The following RNF150 variants were observed in gnomAD, a reference collection of about 807,000 sequenced individuals.
The protein encoded by RNF150 is ring finger protein 150.
A neutral mutation model predicts 39.3 loss-of-function variants in RNF150; 24 were observed. The observed-to-expected ratio is 0.61, with a 90% CI of 0.44 to 0.86. The LOEUF is 0.86. RNF150 is among the 40% of genes least tolerant of loss of function. RNF150 has a pLI of 0.00. For synonymous variants in RNF150, 255 were observed against 227.3 expected (o/e 1.12, Z -1.10); for missense variants, 502 against 587.8 (o/e 0.85, Z 1.51).
intron 2 of RNF150, 95 bp from the exon 3 acceptor site, chr4:140,949,467 A>T (rs371750067): frequency 2.0e-6 from 2 of 1,002,260 alleles, no homozygotes; most frequent in East Asian, 4.8e-5. Flanking sequence ...CTAGCTCTGA[A>T]ATCATGCACA....
At chr4:141,202,241 C>T (rs1560777108) in intron 1 of RNF150, among the ~76,000 whole-genome samples, 2 of 152,024 alleles carry the variant, frequency 1.3e-5, no homozygotes, top group East Asian at 3.9e-4. Context: ...TAAATGTTCC[C>T]TGTCTGGCTC....
intron 1 of RNF150, among the ~76,000 whole-genome samples, chr4:141,122,424 T>C (rs1726638500): frequency 6.6e-6 from 1 of 152,250 alleles, no homozygotes; most frequent in African/African-American, 2.4e-5. Context: ...CCAACAGATG[T>C]CTTTTCTCCT....
At chr4:141,004,492 T>C (rs1004911934) in intron 1 of RNF150, among the ~76,000 whole-genome samples, 2 of 152,314 alleles carry the variant, frequency 1.3e-5, no homozygotes, top group East Asian at 1.9e-4. Context: ...CTAAAGTCTA[T>C]AATTTTCCAC....
chr4:141,085,831 T>C (rs943477946), intron 1 of RNF150, among the ~76,000 whole-genome samples: 1 of 152,184 alleles, frequency 6.6e-6, no homozygotes, highest in Non-Finnish European at 1.5e-5. Flanking sequence ...GGTGATTTTG[T>C]AATCAGAGTA....
intron 1 of RNF150, among the ~76,000 whole-genome samples, chr4:141,209,033 C>T (rs373645522): frequency 2.0e-5 from 3 of 151,826 alleles, no homozygotes; most frequent in Non-Finnish European, 2.9e-5. Context: ...TGGAAGCAAG[C>T]TTGTTCTTTG....
At chr4:141,195,125 C>T (rs986640208) in intron 1 of RNF150, among the ~76,000 whole-genome samples, 2 of 151,828 alleles carry the variant, frequency 1.3e-5, no homozygotes, top group African/African-American at 4.8e-5. Flanking sequence ...CACACACACA[C>T]ACCTGTGCAC....
intron 1 of RNF150, among the ~76,000 whole-genome samples, chr4:141,127,668 G>A (rs1272083849): frequency 1.3e-5 from 2 of 152,094 alleles, no homozygotes. Flanking sequence ...TCCTTTCCAA[G>A]GGCCTAGCAT....
chr4:140,905,546 G>C (rs776006504), intron 6 of RNF150, among the ~76,000 whole-genome samples: 2 of 152,180 alleles, frequency 1.3e-5, no homozygotes, highest in African/African-American at 2.4e-5. Flanking sequence ...AAATGGAAAA[G>C]AAGGGGAAGA....
chr4:140,978,817 A>G (rs1008118816), intron 1 of RNF150, among the ~76,000 whole-genome samples: 67 of 152,166 alleles, frequency 4.4e-4, no homozygotes, highest in African/African-American at 1.6e-3. Context: ...GAGCATTTCA[A>G]ATGGCTAAAA....
intron 1 of RNF150, among the ~76,000 whole-genome samples, chr4:140,993,189 G>C (rs921103277): frequency 1.3e-5 from 2 of 152,176 alleles, no homozygotes; most frequent in Non-Finnish European, 2.9e-5. Flanking sequence ...AAATCAAGGT[G>C]TTGGCATGGC....
intron 1 of RNF150, among the ~76,000 whole-genome samples, chr4:141,000,026 G>GAGAAGAAAAGAAGAA (rs1734574180): frequency 6.2e-5 from 2 of 32,302 alleles, no homozygotes; most frequent in Non-Finnish European, 1.7e-4. Flanking sequence ...AGAAGAAGAA[G>GAGAAGAAAAGAAGAA]AAGAAGAAGA....
chr4:140,915,013 G>T (rs1431115870), intron 5 of RNF150, among the ~76,000 whole-genome samples: 1 of 152,132 alleles, frequency 6.6e-6, no homozygotes, highest in African/African-American at 2.4e-5. Flanking sequence ...AGTAGATCAG[G>T]ATTACAGCCA....
At chr4:141,114,652 A>G (rs1739491598) in intron 1 of RNF150, among the ~76,000 whole-genome samples, 1 of 152,216 alleles carries the variant, frequency 6.6e-6, no homozygotes, top group Non-Finnish European at 1.5e-5. Context: ...AATGCATTTT[A>G]TGATCATCCT....
At chr4:141,136,701 G>A (rs936570893), upstream of RNF150, among the ~76,000 whole-genome samples, 9 of 152,136 alleles carry the variant, frequency 5.9e-5, no homozygotes, top group African/African-American at 2.2e-4. Context: ...CAGGCACTGG[G>A]CATCCAACTG....
chr4:140,966,833 T>A (rs965631270), intron 2 of RNF150, among the ~76,000 whole-genome samples: 1 of 152,152 alleles, frequency 6.6e-6, no homozygotes, highest in African/African-American at 2.4e-5. Flanking sequence ...ACTTCCAGGA[T>A]TTTACCTTGT....
At chr4:140,872,133 T>G (rs1390945837) in intron 6 of RNF150, among the ~76,000 whole-genome samples, 2 of 152,208 alleles carry the variant, frequency 1.3e-5, no homozygotes, top group Non-Finnish European at 2.9e-5. Context: ...AAGACAGATG[T>G]TTTACTTTGA....
chr4:141,035,069 T>G (rs909889747), intron 1 of RNF150, among the ~76,000 whole-genome samples: 2 of 152,216 alleles, frequency 1.3e-5, no homozygotes, highest in African/African-American at 4.8e-5. Flanking sequence ...GGTATACTTG[T>G]ATAATTACAG....
intron 1 of RNF150, among the ~76,000 whole-genome samples, chr4:141,170,638 C>T (rs1056489258): frequency 2.0e-5 from 3 of 152,026 alleles, no homozygotes; most frequent in Non-Finnish European, 4.4e-5. Context: ...ACTTTCATTT[C>T]GACCTCTGAA....
intron 1 of RNF150, among the ~76,000 whole-genome samples, chr4:141,062,002 T>A (rs1326693337): frequency 6.6e-6 from 1 of 152,124 alleles, no homozygotes; most frequent in Non-Finnish European, 1.5e-5. Flanking sequence ...AAAATTAAAG[T>A]AGAAATGTTT....
Sources: gnomAD v4.1 joint callset for allele counts (sites outside exome capture counted in the v4.1 genomes callset) on GRCh38, gnomAD v4.1.1 for gene constraint, MANE v1.5 for transcripts, NCBI Gene and HGNC (gene_info 2026-07-23, HGNC 2026-07-21) for gene names.